OXNAD1: variants seen among roughly 807,000 people sequenced by gnomAD.
The protein encoded by OXNAD1 is oxidoreductase NAD binding domain containing 1.
A neutral mutation model predicts 32.9 loss-of-function variants in OXNAD1; 34 were observed. The ratio of observed to expected loss-of-function variants is 1.03; its 90% CI spans 0.79 to 1.38. The LOEUF is 1.38. OXNAD1 is among the 40% of genes most tolerant of loss of function. The pLI is 0.00. For missense variants in OXNAD1, 407 were observed against 379.4 expected, an observed-to-expected ratio of 1.07 and a Z score of -0.60; for synonymous variants, 134 against 135.2, an observed-to-expected ratio of 0.99 and a Z score of 0.06.
rs2070746019 is a variant in OXNAD1, at chr3:16,335,384, G to A, written c.*31-1728G>A. Among the ~76,000 whole-genome samples the A allele has an allele frequency of 6.6e-6, 1 of 152,262 alleles. No homozygotes were observed. The highest frequency in any genetic ancestry group is 2.4e-5 in the African/African-American group (1 of 41,540). ...CTGCATGGGAAACAGGCTTAAGAAG[G>A]GAGTTTGTACCACATTTTCTTTATC... On this transcript the variant is annotated intron_variant, in intron 9 of 9. Coordinates refer to the OXNAD1 transcript ENST00000435829. This position sits in a 1 kb window ranked among gnomAD's most constrained non-coding sequence, Gnocchi z 4.7.
At chr3:16,306,196 TTATTTA>T (rs1477650160), downstream of OXNAD1, 2 of 152,300 alleles carry the variant, frequency 1.3e-5, no homozygotes, top group East Asian at 3.9e-4. Flanking sequence ...TTCTCAGATT[TTATTTA>T]TATTTTTTCA....
At chr3:16,332,704 G>T (rs1328429064) in intron 9 of OXNAD1, among the ~76,000 whole-genome samples, 3 of 152,272 alleles carry the variant, frequency 2.0e-5, no homozygotes, top group African/African-American at 7.2e-5. Context: ...TCTCGTCCAG[G>T]TTGTAGCTTC....
chr3:16,314,342 A>G lies in OXNAD1; in HGVS notation c.*30+10750A>G, dbSNP rs909225132. The G allele has an allele frequency of 6.6e-6, 1 of 152,038 alleles. No homozygotes were observed. Among genetic ancestry groups the G allele is most frequent in the African/African-American group, 2.4e-5 (1 of 41,382 alleles). The allele number at this position is 152,038 out of a possible 1,614,324, so 9.4% of individuals were successfully genotyped here. On this transcript the variant is annotated intron_variant, in intron 9 of 9. Transcript: ENST00000435829. The surrounding 1 kb of genome is among the most constrained non-coding windows in gnomAD (Gnocchi z 4.4). ...GAGAATGGATTTTAGGGCCTTTATT[A>G]TTTACCACTTGTAGAAAGCATTTTA...
Position 16,305,872 on chromosome 3 carries a change from T to C in OXNAD1, c.*2310T>C, listed in dbSNP as rs1488754393. ...ACATGTAAAGTGCTTGGCAGAGCAC[T>C]GCATGAGTGTGTTGTCGTTATTAAT... is the stretch of plus-strand genomic sequence containing the variant. On this transcript the variant is annotated 3_prime_UTR_variant, in exon 9 of 9. Coordinates refer to ENST00000285083, the MANE Select transcript of OXNAD1 (RefSeq NM_138381.5). This position sits in a 1 kb window ranked among gnomAD's most constrained non-coding sequence, Gnocchi z 4.5. The C allele has an allele frequency of 6.6e-6, 1 of 152,256 alleles. No individual in the cohort carries two copies. Among genetic ancestry groups the C allele is most frequent in the African/African-American group, 2.4e-5 (1 of 41,456 alleles). 9.4% of individuals were successfully genotyped at this position (152,256 alleles called of 1,614,324 possible). A position where few individuals can be genotyped will look rare whatever the true frequency, so the allele number is the denominator to read the frequency against.
At position 16,271,278 on chromosome 3, in the gene OXNAD1, A is replaced by T; in HGVS notation, c.119+207A>T. 1.7e-6 allele frequency: 1 copy of T among 597,522 alleles called. No homozygotes were observed. Among genetic ancestry groups the T allele is most frequent in the Non-Finnish European group, 2.9e-6 (1 of 347,460 alleles). The allele number at this position is 597,522 out of a possible 1,614,324, so 37.0% of individuals were successfully genotyped here. A position where few individuals can be genotyped will look rare whatever the true frequency, so the allele number is the denominator to read the frequency against. ...GAGTGCAGTGGCACGATCTTAGCTC[A>T]CTGCAACCTCCACCTCCTGGATTCA... On this transcript the variant is annotated intron_variant, in intron 3 of 8. Coordinates refer to ENST00000285083, the MANE Select transcript of OXNAD1 (RefSeq NM_138381.5). This position sits in a 1 kb window ranked among gnomAD's most constrained non-coding sequence, Gnocchi z 4.6.
At chr3:16,318,162 C>T (rs764047204) in intron 9 of OXNAD1, among the ~76,000 whole-genome samples, 1 of 152,026 alleles carries the variant, frequency 6.6e-6, no homozygotes, top group Non-Finnish European at 1.5e-5. Context: ...CAAGACCACC[C>T]GAGAGCGAGC....
downstream of OXNAD1, chr3:16,306,192 GATTTT>G (rs1382694818): frequency 6.6e-6 from 1 of 152,086 alleles, no homozygotes; most frequent in African/African-American, 2.4e-5. Context: ...ATCTTTCTCA[GATTTT>G]ATTTATATTT....
In OXNAD1 at chr3:16,312,095, T is replaced by A. The variant is rs1458617103; in HGVS notation, c.*30+8503T>A. The stretch of plus-strand genomic sequence containing the variant: ...GAGAGCCATTCATCTGCAGCCAGGG[T>A]TCATTTTCTTAGTCTAGCCACTGAA... On this transcript the variant is annotated intron_variant, in intron 9 of 9. Coordinates refer to the OXNAD1 transcript ENST00000435829. This position sits in a 1 kb window ranked among gnomAD's most constrained non-coding sequence, Gnocchi z 4.7. Among the ~76,000 whole-genome samples, 2 of 152,098 alleles carry A rather than the reference T, an allele frequency of 1.3e-5. No homozygotes were observed. Among genetic ancestry groups the A allele is most frequent in the African/African-American group, 4.8e-5 (2 of 41,404 alleles).
intron 9 of OXNAD1, among the ~76,000 whole-genome samples, chr3:16,319,885 G>A (rs1379135606): frequency 6.6e-6 from 1 of 152,158 alleles, no homozygotes; most frequent in Admixed American, 6.5e-5. Context: ...TCCAGCCTGG[G>A]GAATGGACTC....
chr3:16,293,746 G>T (rs1253694028), intron 5 of OXNAD1, among the ~76,000 whole-genome samples: 1 of 152,154 alleles, frequency 6.6e-6, no homozygotes, highest in Non-Finnish European at 1.5e-5. Context: ...CTCTTAGGGG[G>T]GAAACTTTCA....
In OXNAD1 at chr3:16,265,927, T is replaced by C. The variant is rs543521002; in HGVS notation, c.-159+422T>C. The C allele has an allele frequency of 5.1e-6, 5 of 982,358 alleles. No homozygotes were observed. Among genetic ancestry groups the C allele is most frequent in the South Asian group, 9.4e-5 (2 of 21,222 alleles). 60.9% of individuals were successfully genotyped at this position (982,358 alleles called of 1,614,324 possible). A position where few individuals can be genotyped will look rare whatever the true frequency, so the allele number is the denominator to read the frequency against. On this transcript the variant is annotated intron_variant, in intron 1 of 8. Coordinates refer to ENST00000285083, the MANE Select transcript of OXNAD1 (RefSeq NM_138381.5). The surrounding 1 kb of genome is among the most constrained non-coding windows in gnomAD (Gnocchi z 4.8). ...GGCAGGTTTATCAGTGTGAGGCCTATGTATGCCTTGAAGCGAAATGCAGAT... is the reference window on the plus strand; with the variant it reads ...GGCAGGTTTATCAGTGTGAGGCCTACGTATGCCTTGAAGCGAAATGCAGAT...
At position 16,344,905 on chromosome 3, in the gene OXNAD1, A is replaced by T. The variant is rs1383549632; in HGVS notation, c.*31-4271A>T. Among the ~76,000 whole-genome samples the T allele has an allele frequency of 6.6e-6, 1 of 152,218 alleles. No individual in the cohort carries two copies. Among genetic ancestry groups the T allele is most frequent in the African/African-American group, 2.4e-5 (1 of 41,468 alleles). The stretch of plus-strand genomic sequence containing the variant: ...AACCTTTTATGCTCACTGATTTAAT[A>T]TACTTCAGTTCTCTCTGGAGAACCA... On this transcript the variant is annotated intron_variant, in intron 9 of 9. Coordinates refer to the OXNAD1 transcript ENST00000606098. This position sits in a 1 kb window ranked among gnomAD's most constrained non-coding sequence, Gnocchi z 4.4.
chr3:16,290,835 A>G lies in OXNAD1; in HGVS notation c.291-4021A>G, dbSNP rs1559751598. 6.6e-6 allele frequency among the ~76,000 whole-genome samples: 1 copy of G among 152,202 alleles called. No individual in the cohort carries two copies. The highest frequency in any genetic ancestry group is 1.5e-5 in the Non-Finnish European group (1 of 68,034). Reference sequence around the variant, plus strand: ...CAGGAGAATATTTTTTTAAGGTCATAGATCAGATTAGAGAACATCTTTTGC... The same window carrying G: ...CAGGAGAATATTTTTTTAAGGTCATGGATCAGATTAGAGAACATCTTTTGC... On this transcript the variant is annotated intron_variant, in intron 5 of 8. Coordinates refer to ENST00000285083, the MANE Select transcript of OXNAD1 (RefSeq NM_138381.5). This position sits in a 1 kb window ranked among gnomAD's most constrained non-coding sequence, Gnocchi z 4.2.
chr3:16,327,007 CTGCTCCGA>C lies in OXNAD1; in HGVS notation c.*31-10100_*31-10093del. The stretch of plus-strand genomic sequence containing the variant: ...GCGGTGCCCGGCCACTCAGAGGCTC[CTGCTCCGA>C]TGCTTGCTGAAGACTTTAAAAGTTT... On this transcript the variant is annotated intron_variant, in intron 9 of 9. Coordinates refer to the OXNAD1 transcript ENST00000435829. The surrounding 1 kb of genome is among the most constrained non-coding windows in gnomAD (Gnocchi z 4.2). 1.6e-6 allele frequency: 1 copy of C among 629,072 alleles called. No homozygotes were observed. The allele number at this position is 629,072 out of a possible 1,614,324, so 39.0% of individuals were successfully genotyped here. A position where few individuals can be genotyped will look rare whatever the true frequency, so the allele number is the denominator to read the frequency against.
chr3:16,302,675 G>A lies in OXNAD1; in HGVS notation c.711G>A (p.Glu237=), dbSNP rs753594791. Residue 237 remains glutamate (E), a synonymous_variant, in exon 8 of 9, where the codon GAG becomes GAA. Coordinates refer to ENST00000285083, the MANE Select transcript of OXNAD1 (RefSeq NM_138381.5). The surrounding 1 kb of genome is among the most constrained non-coding windows in gnomAD (Gnocchi z 4.2). The part of the protein sequence containing the change: ...NILDLVNEFP[E]KIACSLHVTK... ...TTGATTTAGTAAATGAATTTCCTGA[G>A]AAGATTGCATGCAGTTTGCATGTTA... 1 of 1,613,116 alleles carries A rather than the reference G, an allele frequency of 6.2e-7. No individual in the cohort carries two copies. The highest frequency in any genetic ancestry group is 1.7e-5 in the Admixed American group (1 of 59,934).
downstream of OXNAD1, among the ~76,000 whole-genome samples, chr3:16,340,423 CTA>C (rs1480949236): frequency 6.6e-6 from 1 of 152,204 alleles, no homozygotes; most frequent in African/African-American, 2.4e-5. Context: ...TGAGGCCACT[CTA>C]GATCATTCAG....
chr3:16,339,385 G>C (rs1222062482), downstream of OXNAD1: 1 of 152,210 alleles, frequency 6.6e-6, no homozygotes, highest in African/African-American at 2.4e-5. Flanking sequence ...GGGCTTCTGA[G>C]GTGCCAGAAA....
In OXNAD1 at chr3:16,297,191, C is replaced by A. The variant is rs2470510; in HGVS notation, c.432+2194C>A. Reference sequence around the variant, plus strand: ...AAATGGACAAAGGATTGAACAGACACTTCAGTAAAAAAGGATATGATGATG... The same window carrying A: ...AAATGGACAAAGGATTGAACAGACAATTCAGTAAAAAAGGATATGATGATG... On this transcript the variant is annotated intron_variant, in intron 6 of 8. Transcript: ENST00000285083. The surrounding 1 kb of genome is among the most constrained non-coding windows in gnomAD (Gnocchi z 4.3). 0.4 allele frequency among the ~76,000 whole-genome samples: 60,677 copies of A among 151,862 alleles called. 12,434 individuals carry two copies. The highest frequency in any genetic ancestry group is 0.53 in the South Asian group (2,545 of 4,818).
At chr3:16,275,678 A>T in intron 4 of OXNAD1, 1 of 178,054 alleles carries the variant, frequency 5.6e-6, no homozygotes, top group Non-Finnish European at 1.3e-5. Context: ...GGCAGATATA[A>T]AAGAATTAAC....
Sources: allele counts gnomAD v4.1 joint callset (sites outside exome capture counted in the v4.1 genomes callset), GRCh38; gene constraint gnomAD v4.1.1; non-coding constraint Gnocchi (gnomAD v3.1); transcripts MANE v1.5; gene names NCBI Gene and HGNC (gene_info 2026-07-23, HGNC 2026-07-21).